IPP: variants seen among roughly 807,000 people sequenced by gnomAD.
IPP encodes actin-binding protein IPP.
In IPP, 41 loss-of-function variants were observed where a neutral mutation model predicts 64.1. That is an observed-to-expected ratio of 0.64 (90% CI 0.50 to 0.83). The LOEUF (loss-of-function observed/expected upper bound fraction) is 0.83, where lower values mean the gene tolerates loss of function less well. Among genes scored for constraint, IPP ranks in the 40% least tolerant of loss-of-function variants. The pLI, the probability that IPP is intolerant of heterozygous loss-of-function variation, is 0.00. For synonymous variants in IPP, 214 were observed against 235.2 expected (o/e 0.91, Z 0.83); for missense variants, 649 against 703.0 (o/e 0.92, Z 0.87).
At chr1:45,727,909 A>G in intron 4 of IPP, 111 bp from the exon 5 acceptor site, 2 of 737,484 alleles carry the variant, frequency 2.7e-6, no homozygotes, top group Non-Finnish European at 4.0e-6. Flanking sequence ...CTTTCTCTAT[A>G]TACATATAAT....
chr1:45,729,719 A>G lies in IPP; in HGVS notation c.775T>C (p.Tyr259His). The G allele has an allele frequency of 6.2e-7, 1 of 1,605,848 alleles. No individual in the cohort carries two copies. The highest frequency in any genetic ancestry group is 8.5e-7 in the Non-Finnish European group (1 of 1,173,742). ...TTGGGAGATTTGCATACTTCACAGT[A>G]CTCTTTCAGAAGTGTTTGCAATGCA... is the stretch of plus-strand genomic sequence containing the variant. ...RVALQTLLKEYCEVCKSPKEN... is the reference protein window; with the variant it reads ...RVALQTLLKEHCEVCKSPKEN... The change falls in exon 4 of 9, where the codon TAC becomes CAC. Residue 259 changes from tyrosine to histidine, a missense_variant. By Grantham distance (83) the Tyr-to-His change is moderately conservative (BLOSUM62 2). Coordinates refer to ENST00000396478, the MANE Select transcript of IPP (RefSeq NM_005897.3).
chr1:45,729,821 G>A (rs1557753662), intron 3 of IPP, 52 bp from the exon 4 acceptor site: 1 of 1,034,616 alleles, frequency 9.7e-7, no homozygotes, highest in African/African-American at 1.7e-5. Flanking sequence ...AAATAATATT[G>A]AAAAAACACA....
intron 7 of IPP, 65 bp from the exon 8 acceptor site, chr1:45,714,531 A>ATGATTG: frequency 1.1e-6 from 1 of 921,802 alleles, no homozygotes; most frequent in East Asian, 2.5e-5. Context: ...ATGAAAAGTA[A>ATGATTG]TGATTGTGAT....
At chr1:45,739,975 C>A (rs540515549) in intron 3 of IPP, among the ~76,000 whole-genome samples, 9 of 152,010 alleles carry the variant, frequency 5.9e-5, no homozygotes, top group Non-Finnish European at 1.0e-4. Flanking sequence ...TGCGGCCTTC[C>A]GCAGTGTTTG....
chr1:45,723,960 C>T (rs887028532), intron 5 of IPP, among the ~76,000 whole-genome samples: 22 of 142,036 alleles, frequency 1.5e-4, no homozygotes, highest in Admixed American at 3.6e-4. Context: ...TCAGGAGTTC[C>T]TCTCCCTCTC....
intron 7 of IPP, 26 bp from the exon 8 acceptor site, chr1:45,714,492 A>T (rs754016664): frequency 4.6e-6 from 6 of 1,309,852 alleles, no homozygotes; most frequent in Admixed American, 1.7e-5. Flanking sequence ...TTTTGCTCAG[A>T]TGCTACAGAT....
intron 5 of IPP, among the ~76,000 whole-genome samples, chr1:45,723,237 T>C (rs1284379804): frequency 6.6e-6 from 1 of 152,222 alleles, no homozygotes; most frequent in Non-Finnish European, 1.5e-5. Flanking sequence ...GATTATGGCA[T>C]AAGGGATTTA....
chr1:45,704,661 A>C (rs896046702), intron 8 of IPP, among the ~76,000 whole-genome samples: 1 of 152,250 alleles, frequency 6.6e-6, no homozygotes, highest in Non-Finnish European at 1.5e-5. Flanking sequence ...ATAACTGCAC[A>C]AATAGATATA....
chr1:45,734,264 C>T (rs1346386594), intron 3 of IPP, among the ~76,000 whole-genome samples: 2 of 151,996 alleles, frequency 1.3e-5, no homozygotes, highest in East Asian at 3.8e-4. Context: ...CATCTTTTGT[C>T]CTTAATTCTA....
intron 8 of IPP, among the ~76,000 whole-genome samples, chr1:45,703,336 A>G (rs79152133): frequency 1.1e-3 from 1 of 946 alleles, no homozygotes; most frequent in Non-Finnish European, 2.6e-3. Context: ...TGATCTACCC[A>G]CCTTGGCCTC....
At chr1:45,704,525 C>T (rs1034125495) in intron 8 of IPP, among the ~76,000 whole-genome samples, 4 of 152,088 alleles carry the variant, frequency 2.6e-5, no homozygotes, top group African/African-American at 7.2e-5. Flanking sequence ...CGTGAGACAC[C>T]GCGCCCGGCG....
chr1:45,725,398 C>G (rs1645807341), intron 5 of IPP, among the ~76,000 whole-genome samples: 1 of 147,542 alleles, frequency 6.8e-6, no homozygotes, highest in Admixed American at 6.7e-5. Context: ...GCGCCTCTGC[C>G]CGGCCGCCCC....
intron 8 of IPP, 69 bp downstream of exon 8, chr1:45,714,177 C>T: frequency 2.7e-6 from 3 of 1,104,940 alleles, no homozygotes; most frequent in South Asian, 1.3e-5. Context: ...AAAAAGAGTG[C>T]ATCACCACAG....
At chr1:45,724,634 C>T in intron 5 of IPP, among the ~76,000 whole-genome samples, 1 of 151,362 alleles carries the variant, frequency 6.6e-6, no homozygotes, top group Non-Finnish European at 1.5e-5. Flanking sequence ...CCCCGCCGCC[C>T]TGTCTGGGAT....
At chr1:45,694,594 G>C (rs528725216), downstream of IPP, 2 of 753,294 alleles carry the variant, frequency 2.7e-6, no homozygotes, top group South Asian at 3.1e-5. Flanking sequence ...ATTTCACATG[G>C]TATAACCCAA....
chr1:45,729,591 TA>T, intron 4 of IPP, 22 bp downstream of exon 4: 1 of 1,578,346 alleles, frequency 6.3e-7, no homozygotes, highest in Non-Finnish European at 8.7e-7. Context: ...TAATTTCTAT[TA>T]CTTTTTTAAG....
chr1:45,741,534 A>G (rs1051176920), intron 2 of IPP, among the ~76,000 whole-genome samples: 1 of 152,182 alleles, frequency 6.6e-6, no homozygotes, highest in African/African-American at 2.4e-5. Flanking sequence ...AAAACTTACA[A>G]TGAACCAGGT....
intron 5 of IPP, among the ~76,000 whole-genome samples, chr1:45,726,724 C>CT (rs58547972): frequency 0.29 from 38,786 of 135,250 alleles, 5,683 homozygotes; most frequent in South Asian, 0.36. Context: ...TTTGATGCCA[C>CT]TTTTTTTTTT....
Position 45,699,752 on chromosome 1 carries a change from T to C in IPP, c.*214A>G. 1 of 1,312,018 alleles carries C rather than the reference T, an allele frequency of 7.6e-7. No homozygotes were observed. The allele number at this position is 1,312,018 out of a possible 1,614,324, so 81.3% of individuals were successfully genotyped here. A position where few individuals can be genotyped will look rare whatever the true frequency, so the allele number is the denominator to read the frequency against. The stretch of plus-strand genomic sequence containing the variant: ...ATCGTAGCTTACTACAACCTCAAAT[T>C]CCTGGGCTCAAGTGATCCTTCTGCC... On this transcript the variant is annotated 3_prime_UTR_variant, in exon 9 of 9. Transcript: ENST00000396478.
Sources: allele counts gnomAD v4.1 joint callset (sites outside exome capture counted in the v4.1 genomes callset), GRCh38; gene constraint gnomAD v4.1.1; transcripts MANE v1.5; gene names NCBI Gene and HGNC (gene_info 2026-07-23, HGNC 2026-07-21).